DHRS11: variants seen among roughly 807,000 people sequenced by gnomAD.
The protein encoded by DHRS11 is dehydrogenase/reductase SDR family member 11.
DHRS11 carries 18 observed loss-of-function variants against 30.7 expected under a neutral mutation model. That is an observed-to-expected ratio of 0.59 (90% confidence interval 0.41 to 0.87). DHRS11 has a LOEUF of 0.87. Among genes scored for constraint, DHRS11 ranks in the 40% least tolerant of loss-of-function variants. The pLI is 0.00. For synonymous variants in DHRS11, 123 were observed against 139.6 expected (o/e 0.88, Z 0.84); for missense variants, 300 against 349.0 (o/e 0.86, Z 1.12).
In DHRS11 at chr17:36,595,238, A is replaced by G; in HGVS notation, c.357+58A>G. On this transcript the variant is annotated intron_variant, in intron 2 of 6. Transcript: ENST00000618403. Reference sequence around the variant, plus strand: ...AGGGTGGGGAGGAGAGAGGGGAGCCAGGGGTTTGTGAACCAGAGTGCTGCT... The same window carrying G: ...AGGGTGGGGAGGAGAGAGGGGAGCCGGGGGTTTGTGAACCAGAGTGCTGCT... 4.4e-6 allele frequency: 7 copies of G among 1,598,112 alleles called. 1 individual carries two copies. The South Asian group carries it at 7.7e-5, about 18-fold the overall frequency.
At chr17:36,593,578 T>C (rs2142811134) in intron 1 of DHRS11, among the ~76,000 whole-genome samples, 1 of 152,320 alleles carries the variant, frequency 6.6e-6, no homozygotes, top group Non-Finnish European at 1.5e-5. Flanking sequence ...GGTTCTAGCT[T>C]CCTACAGAGA....
In DHRS11 at chr17:36,592,063, G is replaced by A. The variant is rs1227608780; in HGVS notation, c.54G>A (p.Gly18=). 30 of 1,237,204 alleles carry A rather than the reference G, an allele frequency of 2.4e-5. No individual in the cohort carries two copies. The highest frequency in any genetic ancestry group is 2.8e-4 in the Middle Eastern group (1 of 3,558). The allele number at this position is 1,237,204 out of a possible 1,614,324, so 76.6% of individuals were successfully genotyped here. ...RWRDRLALVT[G]ASGGIGAAVA... is the part of the protein sequence containing the mutation. ...GCGACCGGCTGGCGCTGGTGACGGG[G>A]GCCTCGGGGGGCATCGGCGCGGCCG... Residue 18 remains glycine, a synonymous_variant, in exon 1 of 7, where the codon GGG becomes GGA. Transcript: ENST00000618403. The surrounding 1 kb of genome is among the most constrained non-coding windows in gnomAD (Gnocchi z 4.4).
chr17:36,599,105 C>T, intron 4 of DHRS11, 55 bp downstream of exon 4: 2 of 1,579,010 alleles, frequency 1.3e-6, no homozygotes, highest in Non-Finnish European at 1.7e-6. Context: ...CCTCCCCACC[C>T]ACACACACCG....
chr17:36,594,650 A>G (rs2074794471), intron 1 of DHRS11: 3 of 441,640 alleles, frequency 6.8e-6, no homozygotes, highest in Middle Eastern at 1.2e-3. Flanking sequence ...CCTGACCTCA[A>G]CTGGTCCACC....
intron 4 of DHRS11, 50 bp from the exon 5 acceptor site, chr17:36,599,621 C>T (rs760831881): frequency 1.9e-6 from 3 of 1,602,904 alleles, no homozygotes; most frequent in Admixed American, 3.3e-5. Context: ...TCGACCTCCC[C>T]AAGACCTGGC....
intron 1 of DHRS11, among the ~76,000 whole-genome samples, chr17:36,593,828 A>G (rs147398431): frequency 2.8e-3 from 433 of 152,296 alleles, no homozygotes; most frequent in Admixed American, 4.7e-3. Flanking sequence ...CCCCTCGCCC[A>G]CGTCTACACA....
rs763648879 is a variant in DHRS11 at position 36,595,005 on chromosome 17, C to G, written c.182C>G (p.Pro61Arg). The change falls in exon 2 of 7, where the codon CCC becomes CGC. Residue 61 changes from proline to arginine, a missense_variant. Coordinates refer to ENST00000618403, the MANE Select transcript of DHRS11 (RefSeq NM_024308.4). ...LAAECKSAGY[P>R]GTLIPYRCDL... is the part of the protein sequence containing the mutation. The stretch of plus-strand genomic sequence containing the variant: ...GCTGAATGTAAGAGTGCAGGCTACC[C>G]CGGGACTTTGATCCCCTACAGATGT... 44 of 1,614,068 alleles carry G rather than the reference C, an allele frequency of 2.7e-5. No homozygotes were observed. Among genetic ancestry groups the G allele is most frequent in the Non-Finnish European group, 3.4e-6 (4 of 1,180,038 alleles).
intron 3 of DHRS11, 122 bp downstream of exon 3, chr17:36,598,379 G>A: frequency 2.3e-6 from 2 of 884,058 alleles, no homozygotes; most frequent in Non-Finnish European, 1.8e-6. Context: ...TACCTGAATG[G>A]CACAATTATG....
At position 36,592,380 on chromosome 17, in the gene DHRS11, C is replaced by A. The variant is rs934637490; in HGVS notation, c.147+224C>A. Among the ~76,000 whole-genome samples the A allele has an allele frequency of 1.3e-5, 2 of 152,240 alleles. No homozygotes were observed. The highest frequency in any genetic ancestry group is 2.9e-5 in the Non-Finnish European group (2 of 68,030). ...TCCGACCCCGGCATCTCCCCACCCG[C>A]CCCTCGGGTCTCCCCAGGGTATTGG... is the stretch of plus-strand genomic sequence containing the variant. On this transcript the variant is annotated intron_variant, in intron 1 of 6. Transcript: ENST00000618403. This position sits in a 1 kb window ranked among gnomAD's most constrained non-coding sequence, Gnocchi z 4.4.
At position 36,600,234 on chromosome 17, in the gene DHRS11, C is replaced by T; in HGVS notation, c.*31C>T. ...GTGGGAGCTCCTCCTTCCCTCCCCA[C>T]CCTTCATGGCTTGCCTCCTGCCTCT... is the stretch of plus-strand genomic sequence containing the variant. On this transcript the variant is annotated 3_prime_UTR_variant, in exon 7 of 7. Transcript: ENST00000618403. The T allele has an allele frequency of 6.2e-7, 1 of 1,613,934 alleles. No individual in the cohort carries two copies. The highest frequency in any genetic ancestry group is 1.1e-5 in the South Asian group (1 of 91,044).
chr17:36,599,660 T>A lies in DHRS11; in HGVS notation c.583-11T>A. 1.2e-6 allele frequency: 2 copies of A among 1,614,170 alleles called. No homozygotes were observed. The highest frequency in any genetic ancestry group is 1.7e-6 in the Non-Finnish European group (2 of 1,180,012). On this transcript the variant is annotated splice_polypyrimidine_tract_variant and intron_variant, in intron 4 of 6. Transcript: ENST00000618403. ...GCTCAGCCCCTGAGAAGGCCCTCTCTGTTGGCCCAGTGCATCTCTCCAGGT... is the reference window on the plus strand; with the variant it reads ...GCTCAGCCCCTGAGAAGGCCCTCTCAGTTGGCCCAGTGCATCTCTCCAGGT...
In DHRS11 at chr17:36,595,410, C is replaced by CTTTTT. The variant is rs34424724; in HGVS notation, c.357+253_357+257dup. On this transcript the variant is annotated intron_variant, in intron 2 of 6. Transcript: ENST00000618403. ...CTTCTTTGAGCCCCTGGAGGTAGTTCTTTTTTTTTTTTTTTTTTTTTTTTT... is the reference window on the plus strand; with the variant it reads ...CTTCTTTGAGCCCCTGGAGGTAGTTCTTTTTTTTTTTTTTTTTTTTTTTTTTTTTT... Among the ~76,000 whole-genome samples, 16 of 51,630 alleles carry CTTTTT rather than the reference C, an allele frequency of 3.1e-4. 2 individuals carry two copies. The highest frequency in any genetic ancestry group is 3.6e-4 in the Non-Finnish European group (11 of 30,412). The allele number at this position is 51,630 out of a possible 152,430, so 33.9% of individuals were successfully genotyped here.
Position 36,599,043 on chromosome 17 carries a change from G to C in DHRS11, c.575G>C (p.Arg192Pro). 2 of 1,611,446 alleles carry C rather than the reference G, an allele frequency of 1.2e-6. No homozygotes were observed. Among genetic ancestry groups the C allele is most frequent in the Non-Finnish European group, 1.7e-6 (2 of 1,179,930 alleles). The change falls in exon 4 of 7, where the codon CGA (arginine) becomes CCA (proline). Residue 192 changes from arginine to proline, a missense_variant. Arg to Pro is a moderately radical substitution (Grantham distance 103). Coordinates refer to ENST00000618403, the MANE Select transcript of DHRS11 (RefSeq NM_024308.4). ...QELREAQTHI[R>P]ATCISPGVVE... ...CTTCGGGAGGCCCAGACCCACATCCGAGCCACGGTGAGGCTGTGGCCTAGC... is the reference window on the plus strand; with the variant it reads ...CTTCGGGAGGCCCAGACCCACATCCCAGCCACGGTGAGGCTGTGGCCTAGC...
At position 36,592,619 on chromosome 17, in the gene DHRS11, A is replaced by G. The variant is rs926822870; in HGVS notation, c.147+463A>G. Among the ~76,000 whole-genome samples, 23 of 152,250 alleles carry G rather than the reference A, an allele frequency of 1.5e-4. No individual in the cohort carries two copies. Among genetic ancestry groups the G allele is most frequent in the African/African-American group, 5.3e-4 (22 of 41,554 alleles). On this transcript the variant is annotated intron_variant, in intron 1 of 6. Coordinates refer to ENST00000618403, the MANE Select transcript of DHRS11 (RefSeq NM_024308.4). The surrounding 1 kb of genome is among the most constrained non-coding windows in gnomAD (Gnocchi z 4.4). ...GCCCCGCCCCCTCACCTCGGGGGTA[A>G]CTCATGCCCAGTGGCATGAGGAATG...
Position 36,598,275 on chromosome 17 carries a change from A to G in DHRS11, c.452+18A>G, listed in dbSNP as rs1481960532. On this transcript the variant is annotated intron_variant, in intron 3 of 6. Transcript: ENST00000618403. The stretch of plus-strand genomic sequence containing the variant: ...ATCAATAGGTGAGGGCAGGTGGCCA[A>G]TGGGTACCACTCACCCACCAGGCTG... The G allele has an allele frequency of 1.2e-6, 2 of 1,611,906 alleles. No individual in the cohort carries two copies. Among genetic ancestry groups the G allele is most frequent in the Admixed American group, 1.7e-5 (1 of 59,986 alleles).
rs1212850412 is a variant in DHRS11 at position 36,598,246 on chromosome 17, T to C, written c.441T>C (p.Ile147=). The change falls in exon 3 of 7, where the codon ATT becomes ATC. Residue 147 remains isoleucine (I), a synonymous_variant. Coordinates refer to ENST00000618403, the MANE Select transcript of DHRS11 (RefSeq NM_024308.4). ...GGAATGTGGACGATGGGCACATCAT[T>C]AACATCAATAGGTGAGGGCAGGTGG... ...KERNVDDGHI[I]NINSMSGHRV... is the part of the protein sequence containing the mutation. 3 of 1,613,920 alleles carry C rather than the reference T, an allele frequency of 1.9e-6. No individual in the cohort carries two copies. The highest frequency in any genetic ancestry group is 2.5e-6 in the Non-Finnish European group (3 of 1,179,982).
chr17:36,592,387 G>T lies in DHRS11; in HGVS notation c.147+231G>T, dbSNP rs1044357784. On this transcript the variant is annotated intron_variant, in intron 1 of 6. Transcript: ENST00000618403. This position sits in a 1 kb window ranked among gnomAD's most constrained non-coding sequence, Gnocchi z 4.4. ...CCGGCATCTCCCCACCCGCCCCTCG[G>T]GTCTCCCCAGGGTATTGGCCCGAGG... Among the ~76,000 whole-genome samples, 2 of 152,206 alleles carry T rather than the reference G, an allele frequency of 1.3e-5. No individual in the cohort carries two copies. Among genetic ancestry groups the T allele is most frequent in the Non-Finnish European group, 2.9e-5 (2 of 68,024 alleles).
chr17:36,598,750 G>A, intron 3 of DHRS11, 171 bp from the exon 4 acceptor site: 2 of 825,846 alleles, frequency 2.4e-6, no homozygotes, highest in Non-Finnish European at 3.7e-6. Flanking sequence ...TTCCAAAGCT[G>A]TTTGAATAAC....
chr17:36,598,686 A>G (rs986149086), intron 3 of DHRS11: 2 of 557,320 alleles, frequency 3.6e-6, no homozygotes, highest in Non-Finnish European at 6.3e-6. Context: ...CTGCACCACC[A>G]GGAGAGTGCA....
Sources: allele counts gnomAD v4.1 joint callset (sites outside exome capture counted in the v4.1 genomes callset), GRCh38; gene constraint gnomAD v4.1.1; non-coding constraint Gnocchi (gnomAD v3.1); transcripts MANE v1.5; gene names NCBI Gene and HGNC (gene_info 2026-07-23, HGNC 2026-07-21).